The following CHST9 variants were observed in gnomAD, a reference collection of about 807,000 sequenced individuals.
The protein encoded by CHST9 is GalNAc-4-sulfotransferase 2.
CHST9 carries 41 observed loss-of-function variants against 44.4 expected under a neutral mutation model. That is an observed-to-expected ratio of 0.92 (90% CI 0.72 to 1.20). The LOEUF is 1.20. CHST9 is among the 50% of genes most tolerant of loss of function. The pLI is 0.00. For missense variants in CHST9, 504 were observed against 516.5 expected, an observed-to-expected ratio of 0.98 and a Z score of 0.23; for synonymous variants, 171 against 178.4, an observed-to-expected ratio of 0.96 and a Z score of 0.33.
At chr18:27,026,155 C>A (rs1568138423) in intron 3 of CHST9, among the ~76,000 whole-genome samples, 1 of 152,130 alleles carries the variant, frequency 6.6e-6, no homozygotes, top group Non-Finnish European at 1.5e-5. Flanking sequence ...TTGTGCAAAT[C>A]TGGCAATTTC....
rs975097367 is a variant in CHST9, at chr18:26,966,845, G to A, written c.203-22479C>T. 1.1e-4 allele frequency among the ~76,000 whole-genome samples: 16 copies of A among 148,388 alleles called. No homozygotes were observed. The South Asian group carries it at 1.3e-3, about 12-fold the overall frequency. The stretch of plus-strand genomic sequence containing the variant: ...CTGGCTAAGTTTTTGATGATTACTG[G>A]AGATAAGAAAACAATACTTAATTAT... On this transcript the variant is annotated intron_variant, in intron 4 of 5. Transcript: ENST00000618847.
chr18:27,057,287 G>A (rs2057667627), intron 2 of CHST9, among the ~76,000 whole-genome samples: 1 of 152,212 alleles, frequency 6.6e-6, no homozygotes, highest in African/African-American at 2.4e-5. Flanking sequence ...TACATTGTAA[G>A]AGGAGGAACA....
intron 4 of CHST9, among the ~76,000 whole-genome samples, chr18:26,984,801 T>C (rs1476826268): frequency 6.6e-6 from 1 of 150,910 alleles, no homozygotes; most frequent in Non-Finnish European, 1.5e-5. Flanking sequence ...AAAAAGTCTA[T>C]ATTGTACACA....
At chr18:27,120,237 G>A (rs1440784901) in intron 2 of CHST9, among the ~76,000 whole-genome samples, 1 of 152,166 alleles carries the variant, frequency 6.6e-6, no homozygotes, top group Non-Finnish European at 1.5e-5. Context: ...TTTGATACAG[G>A]TAAAGAAAGT....
chr18:27,114,507 A>G (rs1004463974), intron 2 of CHST9, among the ~76,000 whole-genome samples: 1 of 152,218 alleles, frequency 6.6e-6, no homozygotes, highest in Non-Finnish European at 1.5e-5. Flanking sequence ...AAAGTATACA[A>G]ATTCAGTGGT....
intron 2 of CHST9, among the ~76,000 whole-genome samples, chr18:27,072,465 T>C (rs1000169497): frequency 6.6e-6 from 1 of 152,088 alleles, no homozygotes; most frequent in African/African-American, 2.4e-5. Flanking sequence ...CTTGGCAATA[T>C]TTACATTGCT....
At chr18:26,956,268 C>T (rs1310424782) in intron 4 of CHST9, among the ~76,000 whole-genome samples, 19 of 146,774 alleles carry the variant, frequency 1.3e-4, no homozygotes, top group Admixed American at 2.7e-4. Context: ...GCTGAGATTG[C>T]GCCACTGAAC....
intron 3 of CHST9, among the ~76,000 whole-genome samples, chr18:27,025,197 ATATTC>A (rs1436004492): frequency 1.3e-5 from 2 of 148,478 alleles, no homozygotes; most frequent in East Asian, 3.9e-4. Context: ...ATATTAATAT[ATATTC>A]TATTCTGTAT....
chr18:27,022,165 T>C (rs1420251501), intron 4 of CHST9, among the ~76,000 whole-genome samples: 1 of 152,232 alleles, frequency 6.6e-6, no homozygotes, highest in Non-Finnish European at 1.5e-5. Flanking sequence ...TTATGTGACC[T>C]ACCCATGTTG....
rs941944418 is a variant in CHST9 at position 27,053,351 on chromosome 18, A to G, written c.122-4848T>C. On this transcript the variant is annotated intron_variant, in intron 2 of 5. Transcript: ENST00000618847. Reference sequence around the variant, plus strand: ...AGATTTCATTAAAAAAAAAAAAGCAATAATTATAGTCCCCTACAAAACTGC... The same window carrying G: ...AGATTTCATTAAAAAAAAAAAAGCAGTAATTATAGTCCCCTACAAAACTGC... Among the ~76,000 whole-genome samples the G allele has an allele frequency of 8.7e-5, 13 of 149,504 alleles. 2 individuals carry two copies. The highest frequency in any genetic ancestry group is 3.2e-4 in the African/African-American group (13 of 40,578).
At chr18:27,012,129 G>C (rs2057092181) in intron 4 of CHST9, among the ~76,000 whole-genome samples, 1 of 152,080 alleles carries the variant, frequency 6.6e-6, no homozygotes, top group Admixed American at 6.6e-5. Context: ...AAATACATAA[G>C]TACATTCCTA....
At chr18:27,119,253 G>A (rs886292018) in intron 2 of CHST9, among the ~76,000 whole-genome samples, 1 of 152,034 alleles carries the variant, frequency 6.6e-6, no homozygotes, top group Non-Finnish European at 1.5e-5. Flanking sequence ...TCACAGAATC[G>A]ATATGCCTAG....
intron 3 of CHST9, among the ~76,000 whole-genome samples, chr18:27,039,619 C>T (rs2057424103): frequency 6.6e-6 from 1 of 151,854 alleles, no homozygotes; most frequent in Non-Finnish European, 1.5e-5. Flanking sequence ...GTACTTAATG[C>T]CACTGAACAT....
chr18:26,962,968 G>A (rs2056419522), intron 4 of CHST9, among the ~76,000 whole-genome samples: 2 of 152,136 alleles, frequency 1.3e-5, no homozygotes, highest in Admixed American at 6.5e-5. Flanking sequence ...GTTTTTTTGT[G>A]TATTTGAAAC....
chr18:26,934,835 T>A (rs2055958183), intron 5 of CHST9: 1 of 152,222 alleles, frequency 6.6e-6, no homozygotes, highest in African/African-American at 2.4e-5. Flanking sequence ...ACACTGTAGT[T>A]TTCACTGATG....
Position 26,910,016 on chromosome 18 carries a change from A to C in CHST9, c.*6243T>G, listed in dbSNP as rs2055419503. The C allele has an allele frequency of 6.6e-6, 1 of 152,126 alleles. No individual in the cohort carries two copies. Among genetic ancestry groups the C allele is most frequent in the East Asian group, 1.9e-4 (1 of 5,184 alleles). The allele number at this position is 152,126 out of a possible 1,614,324, so 9.4% of individuals were successfully genotyped here. On this transcript the variant is annotated 3_prime_UTR_variant, in exon 6 of 6. Transcript: ENST00000618847. Reference sequence around the variant, plus strand: ...CAAAACAGAAGAGATTTTTGGATGAAGGTTATAGAACAGCAGTCTAGAGGC... The same window carrying C: ...CAAAACAGAAGAGATTTTTGGATGACGGTTATAGAACAGCAGTCTAGAGGC...
intron 4 of CHST9, among the ~76,000 whole-genome samples, chr18:26,980,179 T>C (rs1004982466): frequency 6.6e-6 from 1 of 152,152 alleles, no homozygotes; most frequent in African/African-American, 2.4e-5. Context: ...TATATAACCC[T>C]TCACTATAGA....
intron 4 of CHST9, among the ~76,000 whole-genome samples, chr18:27,013,288 C>G (rs925374864): frequency 6.6e-6 from 1 of 152,150 alleles, no homozygotes; most frequent in East Asian, 1.9e-4. Context: ...ATGTTACACG[C>G]GCTGAATATA....
chr18:27,098,828 GA>G (rs56011064), intron 2 of CHST9, among the ~76,000 whole-genome samples: 2,308 of 141,194 alleles, frequency 0.016, 28 homozygotes, highest in African/African-American at 0.031. Context: ...CACAGAACTG[GA>G]AAAAAAAAAA....
Sources: gnomAD v4.1 joint callset for allele counts (sites outside exome capture counted in the v4.1 genomes callset) on GRCh38, gnomAD v4.1.1 for gene constraint, MANE v1.5 for transcripts, NCBI Gene and HGNC (gene_info 2026-07-23, HGNC 2026-07-21) for gene names.